Variants in NCS1 observed in about 807,000 individuals in gnomAD.
NCS1 encodes neuronal calcium sensor 1.
NCS1 carries 6 observed loss-of-function variants against 28.4 expected under a neutral mutation model. The ratio of observed to expected loss-of-function variants is 0.21; its 90% CI spans 0.12 to 0.42. NCS1 has a LOEUF of 0.42. NCS1 is among the 10% of genes least tolerant of loss of function. The pLI is 1.00. For synonymous variants in NCS1, 86 were observed against 99.3 expected (o/e 0.87, Z 0.79); for missense variants, 131 against 241.4 (o/e 0.54, Z 3.03).
rs1554904751 is a variant in NCS1, at chr9:130,177,677, C to T, written c.64+4950C>T. Among the ~76,000 whole-genome samples the T allele has an allele frequency of 1.3e-5, 2 of 152,266 alleles. No individual in the cohort carries two copies. Among genetic ancestry groups the T allele is most frequent in the Non-Finnish European group, 2.9e-5 (2 of 68,054 alleles). ...CCCCTGCGGTGCGGGGCTGGGTCCTCACTCGGCCTTGGTGACCTTGGGGAA... is the reference window on the plus strand; with the variant it reads ...CCCCTGCGGTGCGGGGCTGGGTCCTTACTCGGCCTTGGTGACCTTGGGGAA... On this transcript the variant is annotated intron_variant, in intron 1 of 7. Transcript: ENST00000372398. The surrounding 1 kb of genome is among the most constrained non-coding windows in gnomAD (Gnocchi z 4.4).
At chr9:130,193,749 G>A (rs1175243559) in intron 1 of NCS1, 1 of 153,294 alleles carries the variant, frequency 6.5e-6, no homozygotes, top group Non-Finnish European at 1.5e-5. Flanking sequence ...CTGGTGCTGG[G>A]AGATTGAGCA....
chr9:130,219,587 G>C lies in NCS1; in HGVS notation c.229-138G>C. ...CTTGCCTCTCGCCCCCCATTCCTTC[G>C]AGCCTGCCCTCTCCACCTGAGTGTC... On this transcript the variant is annotated intron_variant, in intron 3 of 7. Transcript: ENST00000372398. The surrounding 1 kb of genome is among the most constrained non-coding windows in gnomAD (Gnocchi z 5.7). The C allele has an allele frequency of 1.4e-5, 9 of 628,808 alleles. No homozygotes were observed. The highest frequency in any genetic ancestry group is 6.8e-5 in the South Asian group (3 of 44,086). The allele number at this position is 628,808 out of a possible 1,614,324, so 39.0% of individuals were successfully genotyped here. A position where few individuals can be genotyped will look rare whatever the true frequency, so the allele number is the denominator to read the frequency against.
At position 130,192,191 on chromosome 9, in the gene NCS1, C is replaced by T. The variant is rs1420646870; in HGVS notation, c.65-8767C>T. 2.0e-5 allele frequency among the ~76,000 whole-genome samples: 3 copies of T among 152,126 alleles called. No individual in the cohort carries two copies. The highest frequency in any genetic ancestry group is 1.9e-4 in the East Asian group (1 of 5,186). ...TCTCTTCTCACCCTGGCAGGGGCAT[C>T]GAGTAATAAGTACAACAGCAGTGAT... On this transcript the variant is annotated intron_variant, in intron 1 of 7. Transcript: ENST00000372398. This position sits in a 1 kb window ranked among gnomAD's most constrained non-coding sequence, Gnocchi z 4.8.
chr9:130,216,482 G>A (rs1449034260), intron 2 of NCS1, among the ~76,000 whole-genome samples: 5 of 152,144 alleles, frequency 3.3e-5, no homozygotes, highest in African/African-American at 4.8e-5. Context: ...TTGGGAGGCC[G>A]AGGCGGGCAG....
intron 1 of NCS1, 40 bp from the exon 2 acceptor site, chr9:130,200,918 T>A: frequency 3.1e-6 from 5 of 1,614,102 alleles, no homozygotes; most frequent in Non-Finnish European, 4.2e-6. Context: ...CGGGACACCT[T>A]CCCTGAGCTA....
Position 130,226,585 on chromosome 9 carries a change from A to G in NCS1, c.*17+81A>G, listed in dbSNP as rs114102179. 391 of 1,061,946 alleles carry G rather than the reference A, an allele frequency of 3.7e-4. 3 individuals carry two copies. The African/African-American group carries it at 5.7e-3, about 16-fold the overall frequency. The allele number at this position is 1,061,946 out of a possible 1,614,324, so 65.8% of individuals were successfully genotyped here. On this transcript the variant is annotated intron_variant, in intron 7 of 7. Coordinates refer to ENST00000372398, the MANE Select transcript of NCS1 (RefSeq NM_014286.4). This position sits in a 1 kb window ranked among gnomAD's most constrained non-coding sequence, Gnocchi z 4.8. The stretch of plus-strand genomic sequence containing the variant: ...CAGCAGCAGGACACCTACGGTTGGC[A>G]GGTAATTACCTGGGTCTCTGGGGGT...
Position 130,181,339 on chromosome 9 carries a change from C to T in NCS1, c.64+8612C>T, listed in dbSNP as rs183470004. ...AGACGTTGAACTTGGCGGCTCATCT[C>T]GGCCCTCCTTTTGCTCCTGGTGGTG... On this transcript the variant is annotated intron_variant, in intron 1 of 7. Transcript: ENST00000372398. The surrounding 1 kb of genome is among the most constrained non-coding windows in gnomAD (Gnocchi z 5.0). Among the ~76,000 whole-genome samples the T allele has an allele frequency of 2.0e-3, 310 of 152,290 alleles. No homozygotes were observed. Among genetic ancestry groups the T allele is most frequent in the African/African-American group, 7.1e-3 (296 of 41,564 alleles).
At position 130,232,289 on chromosome 9, in the gene NCS1, G is replaced by A. The variant is rs1257050831; in HGVS notation, c.*18-701G>A. Among the ~76,000 whole-genome samples the A allele has an allele frequency of 2.0e-5, 3 of 152,162 alleles. No homozygotes were observed. Among genetic ancestry groups the A allele is most frequent in the Non-Finnish European group, 4.4e-5 (3 of 68,032 alleles). Reference sequence around the variant, plus strand: ...GTGTGTTTCCCTAATGACTAGGGATGTTGGGCATCTTTTCATGTGTTTATC... The same window carrying A: ...GTGTGTTTCCCTAATGACTAGGGATATTGGGCATCTTTTCATGTGTTTATC... On this transcript the variant is annotated intron_variant, in intron 7 of 7. Transcript: ENST00000372398. The surrounding 1 kb of genome is among the most constrained non-coding windows in gnomAD (Gnocchi z 4.4).
At chr9:130,220,202 G>A (rs1833256724) in intron 4 of NCS1, among the ~76,000 whole-genome samples, 1 of 152,168 alleles carries the variant, frequency 6.6e-6, no homozygotes. Context: ...CAAGACCCAG[G>A]TTCAGTGCCG....
At position 130,192,862 on chromosome 9, in the gene NCS1, A is replaced by G. The variant is rs975456511; in HGVS notation, c.65-8096A>G. Among the ~76,000 whole-genome samples the G allele has an allele frequency of 7.3e-5, 11 of 151,692 alleles. No homozygotes were observed. In the South Asian group the frequency reaches 2.3e-3, roughly 32 times the overall value. The stretch of plus-strand genomic sequence containing the variant: ...CCAGTGGGAACCCCACAGGTGTTTC[A>G]CTCTCTTTTCTGTCCTCCCCACCTC... On this transcript the variant is annotated intron_variant, in intron 1 of 7. Transcript: ENST00000372398. The surrounding 1 kb of genome is among the most constrained non-coding windows in gnomAD (Gnocchi z 4.8).
At chr9:130,211,752 CA>C (rs1240872722) in intron 2 of NCS1, among the ~76,000 whole-genome samples, 4 of 152,110 alleles carry the variant, frequency 2.6e-5, no homozygotes, top group African/African-American at 9.7e-5. Context: ...GTTTGCCAGG[CA>C]CAGGAGTGGG....
chr9:130,205,919 T>C (rs1026688561), intron 2 of NCS1, among the ~76,000 whole-genome samples: 23 of 152,046 alleles, frequency 1.5e-4, no homozygotes, highest in African/African-American at 5.6e-4. Flanking sequence ...GTAAATATCC[T>C]GTGGTTCATT....
At chr9:130,190,567 C>G (rs1166085065) in intron 1 of NCS1, among the ~76,000 whole-genome samples, 4 of 152,190 alleles carry the variant, frequency 2.6e-5, no homozygotes, top group Admixed American at 2.6e-4. Flanking sequence ...CCAGTCAAAG[C>G]AAGTTAACAG....
rs888356048 is a variant in NCS1, at chr9:130,181,127, A to G, written c.64+8400A>G. Reference sequence around the variant, plus strand: ...TTCAAATTCCCAGATAGTGAGACCCAGTGGGGAAGGTACGTCAGGGCCCCA... The same window carrying G: ...TTCAAATTCCCAGATAGTGAGACCCGGTGGGGAAGGTACGTCAGGGCCCCA... On this transcript the variant is annotated intron_variant, in intron 1 of 7. Coordinates refer to ENST00000372398, the MANE Select transcript of NCS1 (RefSeq NM_014286.4). This position sits in a 1 kb window ranked among gnomAD's most constrained non-coding sequence, Gnocchi z 5.0. Among the ~76,000 whole-genome samples the G allele has an allele frequency of 6.6e-6, 1 of 152,136 alleles. No homozygotes were observed. The highest frequency in any genetic ancestry group is 1.5e-5 in the Non-Finnish European group (1 of 68,020).
At chr9:130,182,225 C>G (rs552288288) in intron 1 of NCS1, among the ~76,000 whole-genome samples, 16 of 152,182 alleles carry the variant, frequency 1.1e-4, no homozygotes, top group Non-Finnish European at 1.3e-4. Flanking sequence ...CCAAGTCCCC[C>G]CAGCCAGCCA....
chr9:130,200,861 G>C (rs1424050239), intron 1 of NCS1, 97 bp from the exon 2 acceptor site: 18 of 1,540,666 alleles, frequency 1.2e-5, no homozygotes, highest in Non-Finnish European at 1.5e-5. Flanking sequence ...GCCGTGGGGA[G>C]GGGAGGGCTG....
intron 1 of NCS1, among the ~76,000 whole-genome samples, chr9:130,194,508 G>A (rs952939447): frequency 2.3e-4 from 35 of 152,138 alleles, no homozygotes; most frequent in African/African-American, 8.4e-4. Flanking sequence ...GAGTAGAGTG[G>A]ATGCCCAGCC....
intron 7 of NCS1, among the ~76,000 whole-genome samples, chr9:130,228,521 G>A (rs2131161814): frequency 6.6e-6 from 1 of 152,030 alleles, no homozygotes; most frequent in South Asian, 2.1e-4. Flanking sequence ...ACTGCACCCA[G>A]CCATAGATTG....
chr9:130,199,221 G>A (rs1832912284), intron 1 of NCS1, among the ~76,000 whole-genome samples: 3 of 152,042 alleles, frequency 2.0e-5, no homozygotes, highest in Admixed American at 2.0e-4. Flanking sequence ...AGCCTCTAGA[G>A]TAGCTGGGAC....
Sources: allele counts gnomAD v4.1 joint callset (sites outside exome capture counted in the v4.1 genomes callset), GRCh38; gene constraint gnomAD v4.1.1; non-coding constraint Gnocchi (gnomAD v3.1); transcripts MANE v1.5; gene names NCBI Gene and HGNC (gene_info 2026-07-23, HGNC 2026-07-21).